The following PRSS48 variants were observed in gnomAD, a reference collection of about 807,000 sequenced individuals.
PRSS48 encodes epidermis-specific serine protease-like protein.
In PRSS48, 21 loss-of-function variants were observed where a neutral mutation model predicts 25.6. The ratio of observed to expected loss-of-function variants is 0.82; its 90% CI spans 0.58 to 1.18. The LOEUF (loss-of-function observed/expected upper bound fraction) is 1.18, where lower values mean the gene tolerates loss of function less well. PRSS48 is among the 50% of genes most tolerant of loss of function. PRSS48 has a pLI of 0.00. For missense variants in PRSS48, 373 were observed against 399.3 expected (o/e 0.93, Z 0.56); for synonymous variants, 150 against 149.3 (o/e 1.00, Z -0.04).
Position 151,282,111 on chromosome 4 carries a change from G to A in PRSS48, c.216-37G>A, listed in dbSNP as rs569240869. The stretch of plus-strand genomic sequence containing the variant: ...ATAGGCAGCCTGTTCTGACCCAGCT[G>A]CAGGCCATAAGCAGGCCTCCTTTCT... On this transcript the variant is annotated intron_variant, in intron 2 of 4. Coordinates refer to ENST00000455694, the Ensembl canonical transcript of PRSS48. 5 of 1,607,304 alleles carry A rather than the reference G, an allele frequency of 3.1e-6. No individual in the cohort carries two copies. The African/African-American group carries it at 5.3e-5, about 17-fold the overall frequency.
chr4:151,277,468 T>C (rs1324213426), intron 1 of PRSS48, among the ~76,000 whole-genome samples: 1 of 151,990 alleles, frequency 6.6e-6, no homozygotes, highest in East Asian at 1.9e-4. Flanking sequence ...ACATATTAAA[T>C]GTGTAAATTA....
At chr4:151,282,481 T>TGG in intron 3 of PRSS48, 68 bp downstream of exon 3, 2 of 1,523,640 alleles carry the variant, frequency 1.3e-6, no homozygotes, top group Non-Finnish European at 1.8e-6. Context: ...ATTCATATTC[T>TGG]AGGCATATCC....
chr4:151,291,206 C>G (rs777731263), exon 5 of PRSS48: 4 of 1,613,848 alleles, frequency 2.5e-6, no homozygotes, highest in Non-Finnish European at 3.4e-6. Context: ...TGTGGTAAAT[C>G]TCTTCCTGGA....
chr4:151,282,420 A>G lies in PRSS48; in HGVS notation c.481+7A>G. On this transcript the variant is annotated splice_region_variant and intron_variant, in intron 3 of 4. Transcript: ENST00000455694. ...AAAGTTAAGGAAAGTTCAGGTGAGA[A>G]TGGGCAGAGAGAAGGGTTGTTTCAT... 1.2e-6 allele frequency: 2 copies of G among 1,613,412 alleles called. No individual in the cohort carries two copies. Among genetic ancestry groups the G allele is most frequent in the Non-Finnish European group, 1.7e-6 (2 of 1,179,444 alleles).
chr4:151,287,996 A>G lies in PRSS48; in HGVS notation c.652-3122A>G, dbSNP rs1774987120. 1.3e-5 allele frequency among the ~76,000 whole-genome samples: 2 copies of G among 152,206 alleles called. 1 individual carries two copies. The highest frequency in any genetic ancestry group is 4.1e-4 in the South Asian group (2 of 4,830). On this transcript the variant is annotated intron_variant, in intron 4 of 4. Transcript: ENST00000455694. ...AGAAATCAATCAATGTTAATATACC[A>G]TGTTCTTAGAATAAAGAGCAAAAAC...
chr4:151,280,234 A>G (rs1446950900), intron 2 of PRSS48, among the ~76,000 whole-genome samples: 1 of 151,650 alleles, frequency 6.6e-6, no homozygotes, highest in Non-Finnish European at 1.5e-5. Flanking sequence ...TTTTTGGGTC[A>G]TAAACACAAT....
chr4:151,287,272 C>T, intron 4 of PRSS48, among the ~76,000 whole-genome samples: 1 of 141,600 alleles, frequency 7.1e-6, no homozygotes, highest in Non-Finnish European at 1.5e-5. Flanking sequence ...ACCCGGGAGG[C>T]AGAGGTTTCA....
intron 2 of PRSS48, among the ~76,000 whole-genome samples, chr4:151,281,004 C>A (rs75880111): frequency 2.3e-3 from 349 of 152,020 alleles, no homozygotes; most frequent in African/African-American, 8.0e-3. Flanking sequence ...ATCTGCTCCA[C>A]CAAAATAAAG....
At chr4:151,278,443 C>G (rs1183962837) in intron 1 of PRSS48, among the ~76,000 whole-genome samples, 1 of 149,458 alleles carries the variant, frequency 6.7e-6, no homozygotes. Flanking sequence ...GTGTTTGTGG[C>G]CCAAAAGAAG....
intron 1 of PRSS48, chr4:151,279,093 A>T: frequency 2.4e-6 from 1 of 423,044 alleles, no homozygotes; most frequent in Admixed American, 2.7e-5. Flanking sequence ...TCCACAGATA[A>T]AGCTGTGGCC....
exon 5 of PRSS48, chr4:151,291,412 T>C: frequency 6.2e-7 from 1 of 1,613,814 alleles, no homozygotes. Context: ...CATACAGGGC[T>C]GGGAAGAGAA....
chr4:151,288,384 G>A (rs1775021012), intron 4 of PRSS48, among the ~76,000 whole-genome samples: 1 of 152,124 alleles, frequency 6.6e-6, no homozygotes, highest in Admixed American at 6.6e-5. Context: ...CTAAAGGAAT[G>A]CCACCCCCAA....
intron 1 of PRSS48, 61 bp downstream of exon 1, chr4:151,277,285 A>G (rs1773723855): frequency 7.6e-7 from 1 of 1,323,160 alleles, no homozygotes; most frequent in Non-Finnish European, 1.0e-6. Flanking sequence ...AGAGGGCATC[A>G]CATAGAACAA....
At chr4:151,291,308 T>A in exon 5 of PRSS48, 9 of 1,614,008 alleles carry the variant, frequency 5.6e-6, no homozygotes, top group Non-Finnish European at 7.6e-6. Context: ...TTGTTCCCTA[T>A]TGTCCTACTC....
chr4:151,287,418 A>T (rs1418154813), intron 4 of PRSS48, among the ~76,000 whole-genome samples: 1 of 152,102 alleles, frequency 6.6e-6, no homozygotes, highest in Admixed American at 6.5e-5. Flanking sequence ...AAACCTGACA[A>T]AGGCATCACA....
At chr4:151,288,133 C>T (rs937469341) in intron 4 of PRSS48, among the ~76,000 whole-genome samples, 5 of 151,610 alleles carry the variant, frequency 3.3e-5, no homozygotes, top group Admixed American at 3.3e-4. Flanking sequence ...TTTTTCAACT[C>T]GATCAAGTGC....
chr4:151,279,915 G>T (rs201618142), exon 2 of PRSS48: 2 of 1,613,684 alleles, frequency 1.2e-6, no homozygotes, highest in East Asian at 4.5e-5. Context: ...AGGTTCCCTC[G>T]TCAGTGAGAG....
chr4:151,287,038 CT>C (rs1774867419), intron 4 of PRSS48, among the ~76,000 whole-genome samples: 1 of 150,054 alleles, frequency 6.7e-6, no homozygotes, highest in African/African-American at 2.4e-5. Flanking sequence ...TACACAAGTT[CT>C]TTTGAAAAAT....
intron 2 of PRSS48, among the ~76,000 whole-genome samples, chr4:151,280,540 C>T (rs2150007254): frequency 6.6e-6 from 1 of 152,290 alleles, no homozygotes; most frequent in South Asian, 2.1e-4. Context: ...TGTTTTAAGC[C>T]ACTAAGCTTT....
Sources: allele counts gnomAD v4.1 joint callset (sites outside exome capture counted in the v4.1 genomes callset), GRCh38; gene constraint gnomAD v4.1.1; transcripts MANE v1.5; gene names NCBI Gene and HGNC (gene_info 2026-07-23, HGNC 2026-07-21).